Variants in SETD2 observed in about 807,000 individuals in gnomAD.
SETD2 encodes histone-lysine N-methyltransferase SETD2.
A neutral mutation model predicts 242.1 loss-of-function variants in SETD2; 31 were observed. The ratio of observed to expected loss-of-function variants is 0.13; its 90% CI spans 0.10 to 0.17. The LOEUF (loss-of-function observed/expected upper bound fraction) is 0.17, where lower values mean the gene tolerates loss of function less well. Among genes scored for constraint, SETD2 ranks in the 10% least tolerant of loss-of-function variants. The probability of loss-of-function intolerance (pLI) is 1.00; values close to 1 mark genes in which losing one functional copy is unlikely to be tolerated. For synonymous variants in SETD2, 1,006 were observed against 1,066.5 expected, an observed-to-expected ratio of 0.94 and a Z score of 1.11; for missense variants, 2,481 against 3,046.3, an observed-to-expected ratio of 0.81 and a Z score of 4.37.
At chr3:47,087,028 A>T (rs950060118) in intron 10 of SETD2, among the ~76,000 whole-genome samples, 1 of 140,960 alleles carries the variant, frequency 7.1e-6, no homozygotes, top group African/African-American at 2.5e-5. Context: ...GCAACAAAGC[A>T]AGACCCTAAA....
intron 18 of SETD2, among the ~76,000 whole-genome samples, chr3:47,020,629 C>A (rs927623973): frequency 6.6e-6 from 1 of 152,200 alleles, no homozygotes; most frequent in African/African-American, 2.4e-5. Flanking sequence ...CCTTTGCCCA[C>A]CACTAGCCAT....
chr3:47,151,901 A>G (rs926962806), intron 1 of SETD2, among the ~76,000 whole-genome samples: 1 of 152,008 alleles, frequency 6.6e-6, no homozygotes, highest in African/African-American at 2.4e-5. Context: ...TACTTCTTGC[A>G]AATCTCATCA....
chr3:47,116,503 T>C (rs1271415541), intron 4 of SETD2, 120 bp downstream of exon 4: 6 of 909,252 alleles, frequency 6.6e-6, no homozygotes, highest in African/African-American at 3.3e-5. Context: ...ACTATACTTT[T>C]TTGCTTGTAG....
intron 12 of SETD2, among the ~76,000 whole-genome samples, chr3:47,083,264 A>ATAAAG (rs1189512621): frequency 2.6e-5 from 4 of 152,256 alleles, no homozygotes; most frequent in African/African-American, 2.4e-5. Flanking sequence ...AACTAGTTCC[A>ATAAAG]TAAAGTTGTT....
rs1270807080 is a variant in SETD2, at chr3:47,159,133, C to A, written c.71+4721G>T. On this transcript the variant is annotated intron_variant, in intron 1 of 20. Coordinates refer to ENST00000409792, the MANE Select transcript of SETD2 (RefSeq NM_014159.7). ...TAAAAAAAAAATAAAAAGACCAATCCTTGGCCCTTCTCTCTTTCTACCAAG... is the reference window on the plus strand; with the variant it reads ...TAAAAAAAAAATAAAAAGACCAATCATTGGCCCTTCTCTCTTTCTACCAAG... Among the ~76,000 whole-genome samples, 3 of 152,200 alleles carry A rather than the reference C, an allele frequency of 2.0e-5. No homozygotes were observed. In the East Asian group the frequency reaches 5.8e-4, roughly 29 times the overall value.
chr3:47,037,605 G>T, intron 18 of SETD2, 61 bp downstream of exon 18: 1 of 1,223,458 alleles, frequency 8.2e-7, no homozygotes, highest in Non-Finnish European at 1.2e-6. Context: ...CCAAGACCAT[G>T]CGGGATGGTC....
intron 1 of SETD2, among the ~76,000 whole-genome samples, chr3:47,158,371 TA>T (rs2044173150): frequency 6.6e-6 from 1 of 152,118 alleles, no homozygotes; most frequent in South Asian, 2.1e-4. Flanking sequence ...TTTTTTTCAA[TA>T]AAAGTTACAC....
chr3:47,054,935 T>C (rs2039992877), intron 15 of SETD2, among the ~76,000 whole-genome samples: 1 of 152,128 alleles, frequency 6.6e-6, no homozygotes, highest in Non-Finnish European at 1.5e-5. Flanking sequence ...TTACAAATCA[T>C]TTTAAGGAAT....
intron 9 of SETD2, among the ~76,000 whole-genome samples, chr3:47,096,916 C>T (rs1430309919): frequency 1.3e-5 from 2 of 151,998 alleles, no homozygotes; most frequent in Admixed American, 6.6e-5. Context: ...TTTAACGGAC[C>T]TTTCCAATGC....
rs533060734 is a variant in SETD2, at chr3:47,125,138, A to G, written c.88-590T>C. On this transcript the variant is annotated intron_variant, in intron 2 of 20. Coordinates refer to ENST00000409792, the MANE Select transcript of SETD2 (RefSeq NM_014159.7). ...GTTCGAGACCAGCCTGGCCAACATA[A>G]TGAAAACCCATCTCTACTAAAAATA... 2.6e-5 allele frequency among the ~76,000 whole-genome samples: 4 copies of G among 151,880 alleles called. No homozygotes were observed. The East Asian group carries it at 5.8e-4, about 22-fold the overall frequency.
chr3:47,116,989 C>T (rs544570466), intron 3 of SETD2, among the ~76,000 whole-genome samples: 23 of 152,100 alleles, frequency 1.5e-4, no homozygotes, highest in Admixed American at 9.2e-4. Context: ...GACCACAGCT[C>T]ATGCCACCAC....
At chr3:47,079,438 A>T (rs183429105) in intron 12 of SETD2, among the ~76,000 whole-genome samples, 45 of 152,274 alleles carry the variant, frequency 3.0e-4, no homozygotes, top group Non-Finnish European at 4.4e-4. Flanking sequence ...AGACTTTTTT[A>T]AAAAAACTAA....
chr3:47,123,057 T>C lies in SETD2; in HGVS notation c.1579A>G (p.Ile527Val), dbSNP rs373069098. 6.1e-5 allele frequency: 99 copies of C among 1,613,982 alleles called. No individual in the cohort carries two copies. In the African/African-American group the frequency reaches 1.2e-3, roughly 20 times the overall value. Residue 527 changes from isoleucine (I) to valine (V), a missense_variant, in exon 3 of 21, where the codon ATT becomes GTT. This residue lies in a region of SETD2 where 1,300 missense variants were observed against 1,259.2 expected (regional missense o/e 1.03). Coordinates refer to ENST00000409792, the MANE Select transcript of SETD2 (RefSeq NM_014159.7). Reference protein sequence around the residue: ...ESKRTSENEAIKRCCSPPNEL... With the variant: ...ESKRTSENEAVKRCCSPPNEL... ...TTAGGGGGAGAACAACATCTTTTAATTGCTTCATTTTCTGAAGTCCTTTTA... is the reference window on the plus strand; with the variant it reads ...TTAGGGGGAGAACAACATCTTTTAACTGCTTCATTTTCTGAAGTCCTTTTA...
intron 12 of SETD2, chr3:47,080,853 G>A (rs1045383955): frequency 2.6e-5 from 26 of 986,774 alleles, no homozygotes; most frequent in Non-Finnish European, 3.1e-5. Context: ...ATCCATTGTC[G>A]GCAATGGACG....
intron 15 of SETD2, among the ~76,000 whole-genome samples, chr3:47,053,773 C>A (rs12497141): frequency 0.016 from 2,475 of 152,246 alleles, 184 homozygotes; most frequent in East Asian, 0.13. Context: ...TAGGGCTAGA[C>A]AACAGATGGA....
chr3:47,100,773 G>A (rs186061187), intron 8 of SETD2, among the ~76,000 whole-genome samples: 457 of 151,722 alleles, frequency 3.0e-3, no homozygotes, highest in African/African-American at 0.011. Flanking sequence ...CACTTTGGGA[G>A]GCAGAGGCGG....
intron 14 of SETD2, among the ~76,000 whole-genome samples, chr3:47,059,210 G>C (rs1025023651): frequency 6.8e-6 from 1 of 147,120 alleles, no homozygotes; most frequent in Middle Eastern, 3.6e-3. Flanking sequence ...TCCACCTCCC[G>C]GGTTCAAGTG....
chr3:47,106,493 TAAAAA>T (rs766455577), intron 5 of SETD2, among the ~76,000 whole-genome samples: 33 of 57,254 alleles, frequency 5.8e-4, no homozygotes, highest in Admixed American at 1.9e-3. Context: ...ATTTTTGCTC[TAAAAA>T]AAAAAAAAAA....
At chr3:47,108,545 C>A (rs1015069453) in intron 5 of SETD2, among the ~76,000 whole-genome samples, 1 of 152,068 alleles carries the variant, frequency 6.6e-6, no homozygotes, top group Non-Finnish European at 1.5e-5. Flanking sequence ...TTGAATTTTA[C>A]TAAAATATTC....
Sources: allele counts gnomAD v4.1 joint callset (sites outside exome capture counted in the v4.1 genomes callset), GRCh38; gene constraint gnomAD v4.1.1; regional missense constraint gnomAD v4.1.1; transcripts MANE v1.5; gene names NCBI Gene and HGNC (gene_info 2026-07-23, HGNC 2026-07-21).